Variants in KCNH6 observed in about 807,000 individuals in gnomAD.
The protein encoded by KCNH6 is voltage-gated inwardly rectifying potassium channel KCNH6.
Under a neutral mutation model 83.4 loss-of-function variants are expected in KCNH6, and 81 were observed. The observed-to-expected ratio is 0.97, with a 90% CI of 0.81 to 1.17. The LOEUF (loss-of-function observed/expected upper bound fraction) is 1.17. Among genes scored for constraint, KCNH6 ranks in the 50% most tolerant of loss-of-function variants. KCNH6 has a pLI of 0.00. For missense variants in KCNH6, 1,203 were observed against 1,290.5 expected (o/e 0.93, Z 1.04); for synonymous variants, 503 against 545.6 (o/e 0.92, Z 1.09).
chr17:63,546,973 T>A (rs2147748049), downstream of KCNH6, among the ~76,000 whole-genome samples: 1 of 152,270 alleles, frequency 6.6e-6, no homozygotes, highest in East Asian at 1.9e-4. Context: ...TCGGTAGCAC[T>A]CGCCCCGTAC....
chr17:63,535,533 C>T lies in KCNH6; in HGVS notation c.1102-136C>T, dbSNP rs1047207546. On this transcript the variant is annotated intron_variant, in intron 5 of 12. Transcript: ENST00000314672. The surrounding 1 kb of genome is among the most constrained non-coding windows in gnomAD (Gnocchi z 4.9). ...CCATACTGTGCCACACTGCCAAGTG[C>T]GTGGCCCGGAGGAAGTTCTCCATAA... The T allele has an allele frequency of 3.4e-5, 26 of 768,080 alleles. No individual in the cohort carries two copies. Among genetic ancestry groups the T allele is most frequent in the South Asian group, 1.4e-4 (8 of 55,662 alleles). 47.6% of individuals were successfully genotyped at this position (768,080 alleles called of 1,614,324 possible).
intron 2 of KCNH6, among the ~76,000 whole-genome samples, chr17:63,526,223 C>G (rs1028495039): frequency 1.3e-5 from 2 of 152,284 alleles, no homozygotes; most frequent in East Asian, 3.9e-4. Flanking sequence ...ATCCCACCCT[C>G]GGCCCTTCCC....
chr17:63,535,574 G>C lies in KCNH6; in HGVS notation c.1102-95G>C. 1 of 1,165,856 alleles carries C rather than the reference G, an allele frequency of 8.6e-7. No homozygotes were observed. Among genetic ancestry groups the C allele is most frequent in the East Asian group, 2.4e-5 (1 of 42,278 alleles). The allele number at this position is 1,165,856 out of a possible 1,614,324, so 72.2% of individuals were successfully genotyped here. A position where few individuals can be genotyped will look rare whatever the true frequency, so the allele number is the denominator to read the frequency against. ...TTCTCCATAAATGTTTGTTGAATGA[G>C]TATGTGGTTGTATGCATGAGTGAAC... On this transcript the variant is annotated intron_variant, in intron 5 of 12. Transcript: ENST00000314672. The surrounding 1 kb of genome is among the most constrained non-coding windows in gnomAD (Gnocchi z 4.9).
downstream of KCNH6, among the ~76,000 whole-genome samples, chr17:63,547,375 T>C (rs1275605841): frequency 4.2e-4 from 1 of 2,358 alleles, no homozygotes; most frequent in Non-Finnish European, 9.1e-4. Flanking sequence ...ACTCACACCC[T>C]GGGCAAGGGA....
downstream of KCNH6, chr17:63,548,749 G>T (rs766616486): frequency 6.6e-6 from 1 of 152,184 alleles, no homozygotes. Flanking sequence ...CGCGAATTTT[G>T]TACGTCTTTT....
chr17:63,524,315 G>C lies in KCNH6; in HGVS notation c.253G>C (p.Ala85Pro). 1 of 1,613,982 alleles carries C rather than the reference G, an allele frequency of 6.2e-7. No homozygotes were observed. The highest frequency in any genetic ancestry group is 1.3e-5 in the African/African-American group (1 of 75,076). The change falls in exon 2 of 13, where the codon GCC (alanine) becomes CCC (proline). Residue 85 changes from alanine (A) to proline (P), a missense_variant. Physicochemically the swap from Ala to Pro is conservative, Grantham distance 27. Coordinates refer to ENST00000314672, the MANE Select transcript of KCNH6 (RefSeq NM_001278919.2). ...CAGCGCCGTGTCCCGCCTAGCGCAGGCCCTGCTGGGGGCTGAGGAGTGCAA... is the reference window on the plus strand; with the variant it reads ...CAGCGCCGTGTCCCGCCTAGCGCAGCCCCTGCTGGGGGCTGAGGAGTGCAA... ...PSSAVSRLAQ[A>P]LLGAEECKVD...
Position 63,530,394 on chromosome 17 carries a change from G to A in KCNH6, c.527G>A (p.Arg176Lys), listed in dbSNP as rs199555672. ...PGPGTGRGKY[R>K]TISQIPQFTL... ...CCAGGCACAGGCAGGGGCAAGTACA[G>A]GACCATCAGCCAGATCCCACAGTTC... The change falls in exon 4 of 13, where the codon AGG becomes AAG. Residue 176 changes from arginine to lysine, a missense_variant. Arg to Lys is a conservative substitution (Grantham distance 26). Transcript: ENST00000314672. 2.2e-5 allele frequency: 35 copies of A among 1,614,212 alleles called. 1 individual carries two copies. In the Admixed American group the frequency reaches 5.5e-4, roughly 25 times the overall value.
intron 1 of KCNH6, 42 bp from the exon 2 acceptor site, chr17:63,524,097 C>T (rs1351755084): frequency 7.1e-7 from 1 of 1,410,728 alleles, no homozygotes; most frequent in South Asian, 1.1e-5. Context: ...GCCGCTGGAT[C>T]CTGGCTCCCA....
rs146531132 is a variant in KCNH6, at chr17:63,524,227, C to G, written c.165C>G (p.Ser55=). 6.2e-7 allele frequency: 1 copy of G among 1,614,204 alleles called. No homozygotes were observed. Residue 55 remains serine (S), a synonymous_variant, in exon 2 of 13, where the codon TCC becomes TCG. Coordinates refer to ENST00000314672, the MANE Select transcript of KCNH6 (RefSeq NM_001278919.2). The part of the protein sequence containing the change: ...NDGFCELFGY[S]RVEVMQQPCT... The stretch of plus-strand genomic sequence containing the variant: ...GCTTCTGCGAACTCTTCGGCTACTC[C>G]CGAGTGGAGGTGATGCAGCAACCCT...
chr17:63,527,175 C>T (rs1031400379), intron 2 of KCNH6, among the ~76,000 whole-genome samples: 4 of 152,220 alleles, frequency 2.6e-5, no homozygotes, highest in African/African-American at 9.7e-5. Flanking sequence ...TGGGACTTCT[C>T]CAGTCCTCAG....
In KCNH6 at chr17:63,530,141, G is replaced by A. The variant is rs774643918; in HGVS notation, c.358G>A (p.Gly120Arg). The change falls in exon 3 of 13, where the codon GGG becomes AGG. Residue 120 changes from glycine (G) to arginine (R), a missense_variant. Coordinates refer to ENST00000314672, the MANE Select transcript of KCNH6 (RefSeq NM_001278919.2). Reference protein sequence around the residue: ...VDVVPVKNEDGAVIMFILNFE... With the variant: ...VDVVPVKNEDRAVIMFILNFE... Reference sequence around the variant, plus strand: ...TGTGGTGCCCGTGAAGAACGAGGACGGGGCTGTCATCATGTTCATTCTCAA... The same window carrying A: ...TGTGGTGCCCGTGAAGAACGAGGACAGGGCTGTCATCATGTTCATTCTCAA... The A allele has an allele frequency of 5.0e-5, 80 of 1,613,932 alleles. No homozygotes were observed. The highest frequency in any genetic ancestry group is 6.1e-5 in the Non-Finnish European group (72 of 1,180,044).
intron 6 of KCNH6, among the ~76,000 whole-genome samples, chr17:63,537,559 C>T (rs113265406): frequency 0.012 from 1,815 of 152,128 alleles, 35 homozygotes; most frequent in African/African-American, 0.041. Context: ...CTCAGCCTCC[C>T]GAGTAGCTGG....
chr17:63,545,212 A>AGAC lies in KCNH6; in HGVS notation c.2537_2539dup (p.Thr846dup), dbSNP rs746272046. 3.0e-5 allele frequency: 48 copies of AGAC among 1,613,704 alleles called. No individual in the cohort carries two copies. In the East Asian group the frequency reaches 9.6e-4, roughly 32 times the overall value. On this transcript the variant is annotated inframe_insertion, in exon 12 of 13. Coordinates refer to ENST00000314672, the MANE Select transcript of KCNH6 (RefSeq NM_001278919.2). ...CTGGCCTTGGTTCCTATAGCCTCGGAGACGACGAGTCCAGGGCCCAGGCTG... is the reference window on the plus strand; with the variant it reads ...CTGGCCTTGGTTCCTATAGCCTCGGAGACGACGACGAGTCCAGGGCCCAGGCTG...
rs748290752 is a variant in KCNH6, at chr17:63,542,320, C to T, written c.2034C>T (p.Thr678=). 3 of 1,614,164 alleles carry T rather than the reference C, an allele frequency of 1.9e-6. No individual in the cohort carries two copies. Among genetic ancestry groups the T allele is most frequent in the Admixed American group, 1.7e-5 (1 of 60,028 alleles). The change falls in exon 9 of 13, where the codon ACC becomes ACT. Residue 678 remains threonine, a synonymous_variant. Coordinates refer to ENST00000314672, the MANE Select transcript of KCNH6 (RefSeq NM_001278919.2). The part of the protein sequence containing the change: ...GKSSADVRAL[T]YCDLHKIQRA... ...CCAGTGCAGACGTGCGGGCTCTGAC[C>T]TACTGCGACCTGCACAAGATCCAGC... is the stretch of plus-strand genomic sequence containing the variant.
At chr17:63,547,078 G>A (rs984155498), downstream of KCNH6, among the ~76,000 whole-genome samples, 31 of 152,148 alleles carry the variant, frequency 2.0e-4, no homozygotes, top group Admixed American at 1.0e-3. Flanking sequence ...TTACAGATGT[G>A]GGATCAGTAG....
At chr17:63,526,915 C>T (rs998585100) in intron 2 of KCNH6, among the ~76,000 whole-genome samples, 1 of 152,154 alleles carries the variant, frequency 6.6e-6, no homozygotes, top group African/African-American at 2.4e-5. Context: ...ACTGGCTCTT[C>T]CTCTATTTGC....
rs745962659 is a variant in KCNH6 at position 63,544,371 on chromosome 17, C to G, written c.2356C>G (p.Leu786Val). The G allele has an allele frequency of 1.2e-6, 2 of 1,608,396 alleles. No homozygotes were observed. Among genetic ancestry groups the G allele is most frequent in the East Asian group, 2.2e-5 (1 of 44,860 alleles). ...AGACCCAGATTGCTGGCCTCTGAAG[C>G]TGGGCTCCAGGCTAGAGCAGCTCCA... ...QEDPDCWPLK[L>V]GSRLEQLQAQ... The change falls in exon 11 of 13, where the codon CTG becomes GTG. Residue 786 changes from leucine (L) to valine (V), a missense_variant. Leu to Val is a conservative substitution (Grantham distance 32). Coordinates refer to ENST00000314672, the MANE Select transcript of KCNH6 (RefSeq NM_001278919.2).
chr17:63,545,336 C>A, intron 12 of KCNH6, 72 bp downstream of exon 12: 1 of 1,511,090 alleles, frequency 6.6e-7, no homozygotes, highest in Non-Finnish European at 9.1e-7. Context: ...GACTTGTTCA[C>A]AGTGCAGCAT....
At chr17:63,525,431 G>A (rs991032381) in intron 2 of KCNH6, among the ~76,000 whole-genome samples, 7 of 152,196 alleles carry the variant, frequency 4.6e-5, no homozygotes, top group Non-Finnish European at 8.8e-5. Flanking sequence ...GGGGAAGGAG[G>A]TGCTCAGGGG....
Sources: gnomAD v4.1 joint callset for allele counts (sites outside exome capture counted in the v4.1 genomes callset) on GRCh38, gnomAD v4.1.1 for gene constraint, Gnocchi (gnomAD v3.1) non-coding constraint, MANE v1.5 for transcripts, NCBI Gene and HGNC (gene_info 2026-07-23, HGNC 2026-07-21) for gene names.